NRG1: variants seen among roughly 807,000 people sequenced by gnomAD.
NRG1 encodes pro-neuregulin-1, membrane-bound isoform.
A neutral mutation model predicts 63.8 loss-of-function variants in NRG1; 18 were observed. That is an observed-to-expected ratio of 0.28 (90% confidence interval 0.19 to 0.42). The LOEUF (loss-of-function observed/expected upper bound fraction) is 0.42. Ranked by LOEUF, NRG1 falls within the 10% of genes least tolerant of loss-of-function variation. The pLI is 1.00. For synonymous variants in NRG1, 302 were observed against 301.3 expected, an observed-to-expected ratio of 1.00 and a Z score of -0.02; for missense variants, 762 against 814.7, an observed-to-expected ratio of 0.94 and a Z score of 0.79.
intron 1 of NRG1, among the ~76,000 whole-genome samples, chr8:32,081,312 T>C (rs1442098541): frequency 1.3e-5 from 2 of 152,144 alleles, no homozygotes; most frequent in Non-Finnish European, 2.9e-5. Context: ...GGAGATACAG[T>C]GTAGTCCACA....
chr8:32,552,616 A>G, intron 1 of NRG1, among the ~76,000 whole-genome samples: 1 of 152,224 alleles, frequency 6.6e-6, no homozygotes, highest in East Asian at 1.9e-4. Flanking sequence ...TTACAGAACA[A>G]GAGGAATGTC....
At chr8:32,048,635 T>C (rs1224488671) in intron 1 of NRG1, among the ~76,000 whole-genome samples, 1 of 151,758 alleles carries the variant, frequency 6.6e-6, no homozygotes, top group Admixed American at 6.6e-5. Flanking sequence ...GCACTTGTTA[T>C]GTTTTGTCTT....
chr8:31,682,015 A>G (rs1808389860), intron 1 of NRG1, among the ~76,000 whole-genome samples: 1 of 152,116 alleles, frequency 6.6e-6, no homozygotes, highest in Non-Finnish European at 1.5e-5. Flanking sequence ...GCATTCTGTG[A>G]GTTTTGACAA....
chr8:32,069,692 C>A (rs1031335756), intron 1 of NRG1, among the ~76,000 whole-genome samples: 2 of 152,110 alleles, frequency 1.3e-5, no homozygotes, highest in Non-Finnish European at 2.9e-5. Context: ...CTAGCATCAA[C>A]CCATGATAGA....
At chr8:31,918,135 A>C (rs933301176) in intron 1 of NRG1, among the ~76,000 whole-genome samples, 2 of 152,206 alleles carry the variant, frequency 1.3e-5, no homozygotes, top group Non-Finnish European at 2.9e-5. Context: ...ATATACAATC[A>C]TGTCATCTGC....
At chr8:32,348,790 C>G (rs974980523) in intron 1 of NRG1, among the ~76,000 whole-genome samples, 1 of 152,166 alleles carries the variant, frequency 6.6e-6, no homozygotes, top group African/African-American at 2.4e-5. Flanking sequence ...AAGGTAAAAA[C>G]AACTGTTTGA....
At chr8:31,958,222 T>C (rs987426274) in intron 1 of NRG1, among the ~76,000 whole-genome samples, 1 of 152,100 alleles carries the variant, frequency 6.6e-6, no homozygotes, top group African/African-American at 2.4e-5. Context: ...AACAGGTAAA[T>C]GGAATGAACA....
intron 1 of NRG1, among the ~76,000 whole-genome samples, chr8:31,928,784 A>G (rs1330876853): frequency 6.6e-6 from 1 of 152,204 alleles, no homozygotes; most frequent in African/African-American, 2.4e-5. Flanking sequence ...CAAAAATCAG[A>G]TAACACATGT....
At chr8:32,383,280 C>A (rs1810579999) in intron 1 of NRG1, among the ~76,000 whole-genome samples, 1 of 152,068 alleles carries the variant, frequency 6.6e-6, no homozygotes, top group Non-Finnish European at 1.5e-5. Flanking sequence ...CCTTTCATGT[C>A]AGAGACCACA....
At chr8:32,641,328 T>C (rs141062283) in intron 5 of NRG1, among the ~76,000 whole-genome samples, 1 of 152,208 alleles carries the variant, frequency 6.6e-6, no homozygotes, top group East Asian at 1.9e-4. Flanking sequence ...CACAGCAAAA[T>C]TAACCATTTG....
intron 1 of NRG1, among the ~76,000 whole-genome samples, chr8:32,340,290 G>T (rs1803901299): frequency 6.6e-6 from 1 of 152,146 alleles, no homozygotes; most frequent in South Asian, 2.1e-4. Flanking sequence ...ATCTCCTGGG[G>T]CAGGCTTAAT....
At chr8:31,908,442 T>C (rs1232962797) in intron 1 of NRG1, among the ~76,000 whole-genome samples, 2 of 152,192 alleles carry the variant, frequency 1.3e-5, no homozygotes, top group African/African-American at 4.8e-5. Context: ...CTGGTGGCAG[T>C]GGTTTGTGGG....
chr8:32,173,882 A>G (rs939201433), intron 1 of NRG1, among the ~76,000 whole-genome samples: 8 of 152,282 alleles, frequency 5.3e-5, no homozygotes, highest in South Asian at 2.1e-4. Context: ...CTCCCACACA[A>G]TAATAATGGG....
At chr8:32,383,780 C>A (rs1024355331) in intron 1 of NRG1, among the ~76,000 whole-genome samples, 1 of 152,210 alleles carries the variant, frequency 6.6e-6, no homozygotes, top group Non-Finnish European at 1.5e-5. Flanking sequence ...AAGGACAGTG[C>A]AGACTAGAGG....
At chr8:32,011,281 T>C (rs1239708093) in intron 1 of NRG1, among the ~76,000 whole-genome samples, 1 of 152,044 alleles carries the variant, frequency 6.6e-6, no homozygotes, top group South Asian at 2.1e-4. Context: ...AGTATTAGGT[T>C]TTCTTACAAT....
At chr8:31,782,845 G>T (rs141303555) in intron 1 of NRG1, among the ~76,000 whole-genome samples, 1 of 152,134 alleles carries the variant, frequency 6.6e-6, no homozygotes, top group Non-Finnish European at 1.5e-5. Context: ...CATACGATGC[G>T]GATGTTGCTG....
chr8:31,966,154 G>A (rs988409281), intron 1 of NRG1, among the ~76,000 whole-genome samples: 2 of 151,936 alleles, frequency 1.3e-5, no homozygotes, highest in Admixed American at 6.6e-5. Flanking sequence ...CCCAAGAAAG[G>A]CAGATGACCA....
At chr8:32,435,045 T>C (rs1818616245) in intron 1 of NRG1, among the ~76,000 whole-genome samples, 1 of 152,172 alleles carries the variant, frequency 6.6e-6, no homozygotes. Context: ...TTTTCCCAGG[T>C]GGATTTTTAA....
At position 32,696,952 on chromosome 8, in the gene NRG1, G is replaced by A. The variant is rs141569050; in HGVS notation, c.503-30997G>A. Among the ~76,000 whole-genome samples the A allele has an allele frequency of 8.1e-3, 1,234 of 152,144 alleles. 12 individuals carry two copies. The highest frequency in any genetic ancestry group is 0.028 in the African/African-American group (1,177 of 41,508). On this transcript the variant is annotated intron_variant, in intron 5 of 11. Transcript: ENST00000356819. Reference sequence around the variant, plus strand: ...GCTGGGATTACAGGCGTGAGCCACCGCGCCTGGCCAAAGTAATCTATCTTT... The same window carrying A: ...GCTGGGATTACAGGCGTGAGCCACCACGCCTGGCCAAAGTAATCTATCTTT...
Sources: gnomAD v4.1 joint callset for allele counts (sites outside exome capture counted in the v4.1 genomes callset) on GRCh38, gnomAD v4.1.1 for gene constraint, MANE v1.5 for transcripts, NCBI Gene and HGNC (gene_info 2026-07-23, HGNC 2026-07-21) for gene names.